The following CYBC1 variants were observed in gnomAD, a reference collection of about 807,000 sequenced individuals.
CYBC1 encodes cytochrome b-245 chaperone 1.
A neutral mutation model predicts 21.7 loss-of-function variants in CYBC1; 22 were observed. The ratio of observed to expected loss-of-function variants is 1.02; its 90% CI spans 0.73 to 1.45. The LOEUF is 1.45. Ranked by LOEUF, CYBC1 falls within the 40% of genes most tolerant of loss-of-function variation. The pLI is 0.00. For missense variants in CYBC1, 237 were observed against 242.1 expected, an observed-to-expected ratio of 0.98 and a Z score of 0.14; for synonymous variants, 112 against 98.7, an observed-to-expected ratio of 1.13 and a Z score of -0.80.
chr17:82,443,332 C>T lies in CYBC1; in HGVS notation c.*672G>A, dbSNP rs1048089606. 2.4e-6 allele frequency: 1 copy of T among 418,562 alleles called. No homozygotes were observed. The highest frequency in any genetic ancestry group is 2.0e-5 in the South Asian group (1 of 49,056). 25.9% of individuals were successfully genotyped at this position (418,562 alleles called of 1,614,324 possible). ...GACCTTTCTGTGACGACCGCTGGGG[C>T]AGAGTGGTCTATGCGCCGAGATCCT... On this transcript the variant is annotated 3_prime_UTR_variant, in exon 7 of 7. Transcript: ENST00000306645. This position sits in a 1 kb window ranked among gnomAD's most constrained non-coding sequence, Gnocchi z 6.7.
At chr17:82,444,289 G>A (rs1216600867) in intron 6 of CYBC1, 158 bp downstream of exon 6, 31 of 1,426,910 alleles carry the variant, frequency 2.2e-5, no homozygotes, top group Non-Finnish European at 2.7e-5. Flanking sequence ...GTCACAGTGG[G>A]GCTGCCCCTG....
At position 82,443,665 on chromosome 17, in the gene CYBC1, T is replaced by G. The variant is rs778935160; in HGVS notation, c.*339A>C. On this transcript the variant is annotated 3_prime_UTR_variant, in exon 7 of 7. Coordinates refer to ENST00000306645, the MANE Select transcript of CYBC1 (RefSeq NM_001033046.4). The surrounding 1 kb of genome is among the most constrained non-coding windows in gnomAD (Gnocchi z 6.7). The stretch of plus-strand genomic sequence containing the variant: ...GGCCCAGGCCTCACGATGGAGAAAG[T>G]CTGGATGTCCTGGTCTGGCCTGCTG... 24 of 765,366 alleles carry G rather than the reference T, an allele frequency of 3.1e-5. No homozygotes were observed. In the East Asian group the frequency reaches 5.6e-4, roughly 18 times the overall value. 47.4% of individuals were successfully genotyped at this position (765,366 alleles called of 1,614,324 possible). A position where few individuals can be genotyped will look rare whatever the true frequency, so the allele number is the denominator to read the frequency against.
chr17:82,447,833 A>G (rs1226402777), intron 2 of CYBC1: 2 of 605,848 alleles, frequency 3.3e-6, no homozygotes, highest in African/African-American at 3.7e-5. Flanking sequence ...AGTATCACAC[A>G]CTTGTAATCC....
At chr17:82,446,063 G>A (rs1017354602) in intron 4 of CYBC1, 103 bp from the exon 5 acceptor site, 1 of 874,322 alleles carries the variant, frequency 1.1e-6, no homozygotes, top group Admixed American at 2.3e-5. Flanking sequence ...ACTCAAGAAG[G>A]GGGGCTGGGG....
In CYBC1 at chr17:82,442,649, G is replaced by A. The variant is rs1311279661; in HGVS notation, c.*1355C>T. ...AAAGAGTGGAAGCTGCAGGTGACACGTGAAGGGTTATTTATGGTTATGATG... is the reference window on the plus strand; with the variant it reads ...AAAGAGTGGAAGCTGCAGGTGACACATGAAGGGTTATTTATGGTTATGATG... On this transcript the variant is annotated 3_prime_UTR_variant, in exon 7 of 7. Transcript: ENST00000306645. This position sits in a 1 kb window ranked among gnomAD's most constrained non-coding sequence, Gnocchi z 6.8. 8.8e-6 allele frequency: 13 copies of A among 1,477,228 alleles called. No homozygotes were observed. In the East Asian group the frequency reaches 1.1e-4, roughly 13 times the overall value. The allele number at this position is 1,477,228 out of a possible 1,614,324, so 91.5% of individuals were successfully genotyped here.
Position 82,443,410 on chromosome 17 carries a change from C to T in CYBC1, c.*594G>A, listed in dbSNP as rs2054084075. 1.8e-6 allele frequency: 1 copy of T among 560,714 alleles called. No homozygotes were observed. Among genetic ancestry groups the T allele is most frequent in the East Asian group, 3.3e-5 (1 of 29,952 alleles). 34.7% of individuals were successfully genotyped at this position (560,714 alleles called of 1,614,324 possible). A position where few individuals can be genotyped will look rare whatever the true frequency, so the allele number is the denominator to read the frequency against. ...GGGAGGGGCAGCTTCCACAGTGTGG[C>T]TGCAGCGTGCACAGCCAGGTAGGCC... On this transcript the variant is annotated 3_prime_UTR_variant, in exon 7 of 7. Transcript: ENST00000306645. The surrounding 1 kb of genome is among the most constrained non-coding windows in gnomAD (Gnocchi z 6.7).
chr17:82,444,676 A>G, intron 5 of CYBC1, 85 bp from the exon 6 acceptor site: 1 of 1,477,436 alleles, frequency 6.8e-7, no homozygotes, highest in South Asian at 1.3e-5. Flanking sequence ...CATCATCGAA[A>G]GCGACAGCCA....
intron 5 of CYBC1, chr17:82,445,474 A>G: frequency 5.8e-6 from 1 of 171,196 alleles, no homozygotes; most frequent in South Asian, 1.2e-4. Flanking sequence ...CGCTGGGGCC[A>G]GACTGCACCT....
intron 5 of CYBC1, chr17:82,445,579 T>C: frequency 3.0e-6 from 1 of 332,286 alleles, no homozygotes; most frequent in Non-Finnish European, 5.6e-6. Flanking sequence ...AGACCCCTGC[T>C]CTGCCAGACC....
chr17:82,444,382 A>G (rs1262643764), intron 6 of CYBC1, 65 bp downstream of exon 6: 4 of 1,551,900 alleles, frequency 2.6e-6, no homozygotes, highest in Non-Finnish European at 3.5e-6. Flanking sequence ...AGCTCTGGGC[A>G]GTCAGGAACG....
chr17:82,442,905 T>A lies in CYBC1; in HGVS notation c.*1099A>T. 1 of 286,118 alleles carries A rather than the reference T, an allele frequency of 3.5e-6. No homozygotes were observed. The highest frequency in any genetic ancestry group is 6.6e-6 in the Non-Finnish European group (1 of 151,942). The allele number at this position is 286,118 out of a possible 1,614,324, so 17.7% of individuals were successfully genotyped here. The stretch of plus-strand genomic sequence containing the variant: ...GGTGCACACCGCACCTGGGAGGACC[T>A]GGGTACACTCAGGAGACCAAGAGCA... On this transcript the variant is annotated 3_prime_UTR_variant, in exon 7 of 7. Transcript: ENST00000306645. The surrounding 1 kb of genome is among the most constrained non-coding windows in gnomAD (Gnocchi z 6.8).
At chr17:82,444,337 G>C in intron 6 of CYBC1, 110 bp downstream of exon 6, 1 of 1,493,140 alleles carries the variant, frequency 6.7e-7, no homozygotes, top group Non-Finnish European at 9.0e-7. Flanking sequence ...TCTGTGTCCC[G>C]TCCACAAACT....
At chr17:82,445,416 A>G (rs968665021) in intron 5 of CYBC1, 1 of 167,428 alleles carries the variant, frequency 6.0e-6, no homozygotes, top group Non-Finnish European at 1.3e-5. Context: ...CCCACTCCAG[A>G]ACGCCCACGG....
At chr17:82,446,543 C>G in intron 4 of CYBC1, 80 bp downstream of exon 4, 1 of 1,415,154 alleles carries the variant, frequency 7.1e-7, no homozygotes, top group Non-Finnish European at 1.0e-6. Flanking sequence ...CAGGGCCCTT[C>G]CTCCTCCTTT....
chr17:82,447,653 A>T, intron 2 of CYBC1, 32 bp from the exon 3 acceptor site: 3 of 1,572,250 alleles, frequency 1.9e-6, no homozygotes, highest in Non-Finnish European at 1.7e-6. Flanking sequence ...CTGCCTATTG[A>T]TCCCGGTAAG....
intron 5 of CYBC1, 113 bp downstream of exon 5, chr17:82,445,751 G>A: frequency 1.4e-6 from 1 of 732,834 alleles, no homozygotes; most frequent in South Asian, 1.8e-5. Flanking sequence ...AAGCAGGTGA[G>A]CTTGGACCAA....
chr17:82,442,889 C>T lies in CYBC1; in HGVS notation c.*1115G>A, dbSNP rs376976484. On this transcript the variant is annotated 3_prime_UTR_variant, in exon 7 of 7. Coordinates refer to ENST00000306645, the MANE Select transcript of CYBC1 (RefSeq NM_001033046.4). The surrounding 1 kb of genome is among the most constrained non-coding windows in gnomAD (Gnocchi z 6.8). ...CAGGCCAGGCGCGCTCGGTGCACAC[C>T]GCACCTGGGAGGACCTGGGTACACT... The T allele has an allele frequency of 1.2e-5, 4 of 324,382 alleles. No individual in the cohort carries two copies. Among genetic ancestry groups the T allele is most frequent in the South Asian group, 6.7e-5 (1 of 14,898 alleles). The allele number at this position is 324,382 out of a possible 1,614,324, so 20.1% of individuals were successfully genotyped here. A position where few individuals can be genotyped will look rare whatever the true frequency, so the allele number is the denominator to read the frequency against.
At chr17:82,446,965 G>C (rs905303531) in intron 3 of CYBC1, 4 of 546,978 alleles carry the variant, frequency 7.3e-6, no homozygotes, top group Non-Finnish European at 1.3e-5. Context: ...GATTGTGGCA[G>C]GGTGGGAAGT....
Position 82,442,687 on chromosome 17 carries a change from A to G in CYBC1, c.*1317T>C. The G allele has an allele frequency of 8.1e-7, 1 of 1,231,952 alleles. No homozygotes were observed. Among genetic ancestry groups the G allele is most frequent in the Non-Finnish European group, 1.1e-6 (1 of 883,804 alleles). The allele number at this position is 1,231,952 out of a possible 1,614,324, so 76.3% of individuals were successfully genotyped here. A position where few individuals can be genotyped will look rare whatever the true frequency, so the allele number is the denominator to read the frequency against. ...TATGGTTATGATGACCCTGTCCTGC[A>G]ACGAGGGACTGGCAGCCACTACTGA... On this transcript the variant is annotated 3_prime_UTR_variant, in exon 7 of 7. Transcript: ENST00000306645. This position sits in a 1 kb window ranked among gnomAD's most constrained non-coding sequence, Gnocchi z 6.8.
Sources: gnomAD v4.1 joint callset for allele counts on GRCh38, gnomAD v4.1.1 for gene constraint, Gnocchi (gnomAD v3.1) non-coding constraint, MANE v1.5 for transcripts, NCBI Gene and HGNC (gene_info 2026-07-23, HGNC 2026-07-21) for gene names.